PDE11A: variants seen among roughly 807,000 people sequenced by gnomAD.
PDE11A encodes dual 3',5'-cyclic-AMP and -GMP phosphodiesterase 11A.
Under a neutral mutation model 100.5 loss-of-function variants are expected in PDE11A, and 100 were observed. The observed-to-expected ratio is 1.00, with a 90% CI of 0.85 to 1.18. The LOEUF (loss-of-function observed/expected upper bound fraction) is 1.18. PDE11A is among the 50% of genes most tolerant of loss of function. PDE11A has a pLI of 0.00. For synonymous variants in PDE11A, 381 were observed against 420.8 expected (o/e 0.91, Z 1.16); for missense variants, 1,141 against 1,152.6 (o/e 0.99, Z 0.15).
intron 18 of PDE11A, 130 bp from the exon 19 acceptor site, chr2:177,664,079 T>C: frequency 3.0e-6 from 2 of 668,852 alleles, no homozygotes; most frequent in East Asian, 5.4e-5. Context: ...CAATCAATCT[T>C]TACACATACT....
At chr2:178,080,678 T>C (rs537643556) in intron 2 of PDE11A, among the ~76,000 whole-genome samples, 3 of 152,262 alleles carry the variant, frequency 2.0e-5, no homozygotes, top group East Asian at 1.9e-4. Context: ...ACATTTCTTA[T>C]AGGAAAAATT....
At chr2:177,906,812 C>G (rs1038959780) in intron 2 of PDE11A, among the ~76,000 whole-genome samples, 1 of 152,172 alleles carries the variant, frequency 6.6e-6, no homozygotes, top group Non-Finnish European at 1.5e-5. Context: ...TGCCTTTAGG[C>G]AGAATGGGAC....
chr2:177,906,235 G>A (rs78575077), intron 2 of PDE11A, among the ~76,000 whole-genome samples: 2,837 of 152,166 alleles, frequency 0.019, 53 homozygotes, highest in South Asian at 0.046. Context: ...GGTAACAAGC[G>A]CTGGCAAAAT....
intron 3 of PDE11A, among the ~76,000 whole-genome samples, chr2:177,903,864 A>G (rs2084736638): frequency 6.6e-6 from 1 of 152,218 alleles, no homozygotes; most frequent in Non-Finnish European, 1.5e-5. Context: ...ATTGGGGACT[A>G]TATTGCTGGA....
chr2:177,732,208 C>T (rs1442231601), intron 10 of PDE11A, among the ~76,000 whole-genome samples: 1 of 152,154 alleles, frequency 6.6e-6, no homozygotes. Context: ...ACTTATTAGG[C>T]TGTAACAATC....
chr2:177,736,249 T>A (rs985956883), intron 10 of PDE11A, among the ~76,000 whole-genome samples: 3 of 152,086 alleles, frequency 2.0e-5, no homozygotes, highest in Non-Finnish European at 4.4e-5. Context: ...TAGTGGCTCA[T>A]GCCTGTAATC....
At chr2:177,771,328 T>A (rs1315794685) in intron 9 of PDE11A, among the ~76,000 whole-genome samples, 1 of 152,234 alleles carries the variant, frequency 6.6e-6, no homozygotes, top group East Asian at 1.9e-4. Context: ...CTGGTAACAT[T>A]CAACCTAATA....
At chr2:177,650,456 A>T (rs899587428) in intron 19 of PDE11A, among the ~76,000 whole-genome samples, 2 of 152,168 alleles carry the variant, frequency 1.3e-5, no homozygotes, top group African/African-American at 2.4e-5. Flanking sequence ...TCAGTTTCTC[A>T]GGCCCTATCA....
chr2:177,867,618 C>T (rs148030336), intron 5 of PDE11A, among the ~76,000 whole-genome samples: 27 of 152,022 alleles, frequency 1.8e-4, no homozygotes, highest in Non-Finnish European at 3.7e-4. Context: ...CCTAGCTACT[C>T]GGCAGGCTGA....
intron 19 of PDE11A, among the ~76,000 whole-genome samples, chr2:177,644,817 C>T (rs919126674): frequency 1.3e-5 from 2 of 152,170 alleles, no homozygotes; most frequent in African/African-American, 2.4e-5. Flanking sequence ...GCAGGTCTTT[C>T]CCATGCTGTT....
intron 9 of PDE11A, among the ~76,000 whole-genome samples, chr2:177,807,883 T>C (rs182625231): frequency 6.6e-6 from 1 of 152,214 alleles, no homozygotes; most frequent in Non-Finnish European, 1.5e-5. Flanking sequence ...TATTTATATA[T>C]GAAGATTAAC....
At chr2:177,877,382 C>T (rs2084258488) in intron 4 of PDE11A, among the ~76,000 whole-genome samples, 2 of 152,206 alleles carry the variant, frequency 1.3e-5, no homozygotes, top group Middle Eastern at 3.4e-3. Flanking sequence ...CCAGGGTAGT[C>T]TTGAATTCCT....
chr2:177,681,826 A>T (rs11891283), intron 15 of PDE11A, among the ~76,000 whole-genome samples: 17,882 of 152,234 alleles, frequency 0.12, 1,307 homozygotes, highest in Middle Eastern at 0.2. Context: ...CAAAGCAGAC[A>T]CTTTGTAGCA....
chr2:177,870,688 T>G (rs935659306), intron 5 of PDE11A, among the ~76,000 whole-genome samples: 1 of 152,258 alleles, frequency 6.6e-6, no homozygotes, highest in Non-Finnish European at 1.5e-5. Flanking sequence ...TAACTGGGTT[T>G]CAAATATTGC....
intron 2 of PDE11A, among the ~76,000 whole-genome samples, chr2:177,942,949 T>A (rs75536157): frequency 0.011 from 1,735 of 152,332 alleles, 26 homozygotes; most frequent in East Asian, 0.074. Context: ...AGATACCTCA[T>A]GTAAATGGAG....
intron 12 of PDE11A, among the ~76,000 whole-genome samples, chr2:177,716,077 C>G (rs1002827978): frequency 3.9e-5 from 6 of 152,258 alleles, no homozygotes; most frequent in Non-Finnish European, 8.8e-5. Context: ...GAAAAGAGAA[C>G]TGTAGCTGTC....
At chr2:177,836,074 G>A (rs1328431126) in intron 6 of PDE11A, among the ~76,000 whole-genome samples, 1 of 152,256 alleles carries the variant, frequency 6.6e-6, no homozygotes, top group Non-Finnish European at 1.5e-5. Flanking sequence ...GTGCAGGACT[G>A]ATGGGCAGCT....
At chr2:177,841,693 T>C (rs2083493244) in intron 5 of PDE11A, among the ~76,000 whole-genome samples, 1 of 152,230 alleles carries the variant, frequency 6.6e-6, no homozygotes, top group African/African-American at 2.4e-5. Context: ...AGCATGTATT[T>C]GTAATGTTAT....
chr2:178,029,193 G>A (rs2086515240), intron 1 of PDE11A, among the ~76,000 whole-genome samples: 1 of 152,118 alleles, frequency 6.6e-6, no homozygotes, highest in Admixed American at 6.6e-5. Flanking sequence ...TTAGTTCCAT[G>A]ATTGACATGA....
Sources: gnomAD v4.1 joint callset for allele counts (sites outside exome capture counted in the v4.1 genomes callset) on GRCh38, gnomAD v4.1.1 for gene constraint, MANE v1.5 for transcripts, NCBI Gene and HGNC (gene_info 2026-07-23, HGNC 2026-07-21) for gene names.